UGCG: variants seen among roughly 807,000 people sequenced by gnomAD.
The protein encoded by UGCG is UDP-glucose ceramide glucosyltransferase, also known as ceramide glucosyltransferase.
Under a neutral mutation model 49.5 loss-of-function variants are expected in UGCG, and 10 were observed. The ratio of observed to expected loss-of-function variants is 0.20; its 90% confidence interval spans 0.12 to 0.34. UGCG has a LOEUF of 0.34. Ranked by LOEUF, UGCG falls within the 10% of genes least tolerant of loss-of-function variation. The probability of loss-of-function intolerance (pLI) is 1.00; values close to 1 mark genes in which losing one functional copy is unlikely to be tolerated. For missense variants in UGCG, 312 were observed against 483.7 expected (o/e 0.65, Z 3.33); for synonymous variants, 182 against 158.2 (o/e 1.15, Z -1.13).
chr9:111,899,092 A>G (rs1007140441), intron 1 of UGCG, among the ~76,000 whole-genome samples: 3 of 152,056 alleles, frequency 2.0e-5, no homozygotes. Flanking sequence ...CCAGGTACCA[A>G]GATTTATTTA....
intron 8 of UGCG, 27 bp downstream of exon 8, chr9:111,932,386 G>A (rs745318208): frequency 6.3e-7 from 1 of 1,594,416 alleles, no homozygotes; most frequent in Non-Finnish European, 8.6e-7. Flanking sequence ...GAAAAGGTTG[G>A]CAGTCCCTTG....
At chr9:111,912,942 T>C (rs1838042854) in intron 1 of UGCG, among the ~76,000 whole-genome samples, 1 of 152,186 alleles carries the variant, frequency 6.6e-6, no homozygotes, top group Admixed American at 6.5e-5. Flanking sequence ...TATGGCCTTA[T>C]CTAAAACGTT....
chr9:111,900,748 C>T (rs570084740), intron 1 of UGCG, among the ~76,000 whole-genome samples: 2 of 152,308 alleles, frequency 1.3e-5, no homozygotes, highest in East Asian at 1.9e-4. Flanking sequence ...CCTGTCTTGG[C>T]TCCCAAAGTG....
In UGCG at chr9:111,899,506, T is replaced by C. The variant is rs545615676; in HGVS notation, c.98+2193T>C. Among the ~76,000 whole-genome samples the C allele has an allele frequency of 1.3e-3, 203 of 152,368 alleles. 1 individual carries two copies. Among genetic ancestry groups the C allele is most frequent in the Non-Finnish European group, 2.0e-3 (137 of 68,038 alleles). On this transcript the variant is annotated intron_variant, in intron 1 of 8. Coordinates refer to ENST00000374279, the MANE Select transcript of UGCG (RefSeq NM_003358.3). ...TGTTGCTGAATTCATCTTTCTGATA[T>C]AAAGGTTGTTTTCTGTCACATGTAG...
Position 111,934,759 on chromosome 9 carries a change from T to G in UGCG, c.*1762T>G, listed in dbSNP as rs1838488061. The G allele has an allele frequency of 6.6e-6, 1 of 151,604 alleles. No homozygotes were observed. Among genetic ancestry groups the G allele is most frequent in the Non-Finnish European group, 1.5e-5 (1 of 67,958 alleles). The allele number at this position is 151,604 out of a possible 1,614,324, so 9.4% of individuals were successfully genotyped here. On this transcript the variant is annotated 3_prime_UTR_variant, in exon 9 of 9. Transcript: ENST00000374279. The stretch of plus-strand genomic sequence containing the variant: ...TTTTTAGCCTTATGATGAATTTGTT[T>G]GAAGGGCATTTTCTTTATGAACAAA...
At chr9:111,908,124 T>C (rs1564198672) in intron 1 of UGCG, among the ~76,000 whole-genome samples, 1 of 152,132 alleles carries the variant, frequency 6.6e-6, no homozygotes, top group African/African-American at 2.4e-5. Flanking sequence ...GTAGGGCTTT[T>C]AGTACTAGTG....
intron 2 of UGCG, among the ~76,000 whole-genome samples, chr9:111,915,528 T>C (rs561894295): frequency 6.6e-6 from 1 of 152,346 alleles, no homozygotes; most frequent in East Asian, 1.9e-4. Flanking sequence ...GTCTTTAAGC[T>C]TCTACCCACT....
chr9:111,931,070 G>A (rs766469396), intron 6 of UGCG, among the ~76,000 whole-genome samples: 3 of 152,112 alleles, frequency 2.0e-5, no homozygotes, highest in Non-Finnish European at 4.4e-5. Flanking sequence ...CTAGTTCTTA[G>A]ATGGTGCTGT....
At chr9:111,899,404 C>G (rs945163876) in intron 1 of UGCG, among the ~76,000 whole-genome samples, 4 of 152,140 alleles carry the variant, frequency 2.6e-5, no homozygotes, top group African/African-American at 9.7e-5. Flanking sequence ...ACATTGAGCA[C>G]TTTTAAAATA....
chr9:111,920,254 G>A (rs534405881), intron 2 of UGCG, among the ~76,000 whole-genome samples: 62 of 152,154 alleles, frequency 4.1e-4, no homozygotes, highest in African/African-American at 1.3e-3. Flanking sequence ...TTTCCTCATC[G>A]ACTTAATTAT....
At chr9:111,915,815 G>A (rs768523247) in intron 2 of UGCG, 7 of 984,752 alleles carry the variant, frequency 7.1e-6, no homozygotes, top group Non-Finnish European at 8.4e-6. Context: ...AGATGTGATA[G>A]CCTTAATGCA....
intron 1 of UGCG, among the ~76,000 whole-genome samples, chr9:111,908,497 C>T (rs966333863): frequency 6.6e-6 from 1 of 152,204 alleles, no homozygotes; most frequent in African/African-American, 2.4e-5. Context: ...GTACTGGTTA[C>T]ATGAGAGTTT....
chr9:111,920,217 A>G (rs548875245), intron 2 of UGCG, among the ~76,000 whole-genome samples: 1 of 152,332 alleles, frequency 6.6e-6, no homozygotes, highest in Admixed American at 6.5e-5. Context: ...GTATGTAGGT[A>G]GAAAGTATGA....
At position 111,927,723 on chromosome 9, in the gene UGCG, T is replaced by C. The variant is rs527912311; in HGVS notation, c.558+1227T>C. On this transcript the variant is annotated intron_variant, in intron 5 of 8. Transcript: ENST00000374279. ...TCCTCTGCCTCCCAAAGTGCTGGGA[T>C]TACAGGCGTGAGCCACCACGCCCGG... Among the ~76,000 whole-genome samples the C allele has an allele frequency of 1.1e-4, 17 of 152,340 alleles. 1 individual carries two copies. In the South Asian group the frequency reaches 2.9e-3, roughly 26 times the overall value.
At chr9:111,912,786 A>G (rs575408728) in intron 1 of UGCG, among the ~76,000 whole-genome samples, 1 of 152,356 alleles carries the variant, frequency 6.6e-6, no homozygotes, top group East Asian at 1.9e-4. Context: ...GCACTGCGAT[A>G]GATGGTGCTC....
At chr9:111,932,087 A>C in intron 7 of UGCG, 83 bp from the exon 8 acceptor site, 2 of 1,431,116 alleles carry the variant, frequency 1.4e-6, no homozygotes, top group Non-Finnish European at 1.9e-6. Context: ...AGGGTAAAAA[A>C]ATTGATTATT....
intron 2 of UGCG, among the ~76,000 whole-genome samples, chr9:111,917,121 A>G (rs986446733): frequency 6.6e-6 from 1 of 152,216 alleles, no homozygotes; most frequent in Non-Finnish European, 1.5e-5. Flanking sequence ...TTGAGGAGAA[A>G]GCTATTTTGA....
intron 1 of UGCG, among the ~76,000 whole-genome samples, chr9:111,908,575 TA>T (rs1431714133): frequency 2.6e-5 from 4 of 152,128 alleles, no homozygotes; most frequent in African/African-American, 7.2e-5. Context: ...TATGTATCAA[TA>T]AAAAGTACCC....
chr9:111,926,556 T>G (rs192876179), intron 5 of UGCG, 60 bp downstream of exon 5: 227 of 1,321,008 alleles, frequency 1.7e-4, no homozygotes, highest in Middle Eastern at 3.7e-4. Flanking sequence ...CCCAGAAGCT[T>G]GAGACTATGG....
Sources: allele counts gnomAD v4.1 joint callset (sites outside exome capture counted in the v4.1 genomes callset), GRCh38; gene constraint gnomAD v4.1.1; transcripts MANE v1.5; gene names NCBI Gene and HGNC (gene_info 2026-07-23, HGNC 2026-07-21).